SPP2: variants seen among roughly 807,000 people sequenced by gnomAD.
SPP2 encodes the protein secreted phosphoprotein 24.
A neutral mutation model predicts 28.8 loss-of-function variants in SPP2; 34 were observed. The observed-to-expected ratio is 1.18, with a 90% CI of 0.90 to 1.57. The LOEUF is 1.57. SPP2 is among the 40% of genes most tolerant of loss of function. SPP2 has a pLI of 0.00. For missense variants in SPP2, 269 were observed against 263.9 expected, an observed-to-expected ratio of 1.02 and a Z score of -0.13; for synonymous variants, 96 against 89.4, an observed-to-expected ratio of 1.07 and a Z score of -0.42.
intron 7 of SPP2, among the ~76,000 whole-genome samples, chr2:234,073,876 T>C (rs1690844681): frequency 6.6e-6 from 1 of 152,176 alleles, no homozygotes; most frequent in Non-Finnish European, 1.5e-5. Context: ...AAAAGAATCA[T>C]TCTCATGATT....
chr2:234,067,108 G>C, intron 5 of SPP2, 116 bp from the exon 6 acceptor site: 1 of 1,004,990 alleles, frequency 1.0e-6, no homozygotes, highest in Non-Finnish European at 1.6e-6. Flanking sequence ...AAACTCAATG[G>C]TGATCTCTCA....
Position 234,067,265 on chromosome 2 carries a change from C to T in SPP2, c.541C>T (p.Arg181Trp), listed in dbSNP as rs375462993. Residue 181 changes from arginine to tryptophan, a missense_variant, in exon 6 of 8, where the codon CGG (arginine) becomes TGG (tryptophan). Coordinates refer to ENST00000168148, the MANE Select transcript of SPP2 (RefSeq NM_006944.3). ...GTCCATAAGTGAACAATTTTATGAT[C>T]GGTCACTTGGTAAGTGATTTCTTTC... is the stretch of plus-strand genomic sequence containing the variant. ...DESISEQFYD[R>W]SLGIMRRVLP... 9.4e-5 allele frequency: 152 copies of T among 1,613,868 alleles called. 1 individual carries two copies. Among genetic ancestry groups the T allele is most frequent in the Middle Eastern group, 1.6e-4 (1 of 6,082 alleles).
At chr2:234,051,732 G>A (rs1196215534) in intron 2 of SPP2, among the ~76,000 whole-genome samples, 1 of 152,140 alleles carries the variant, frequency 6.6e-6, no homozygotes, top group Non-Finnish European at 1.5e-5. Context: ...TTGGAGGTAG[G>A]GATGAACATA....
rs201489523 is a variant in SPP2, at chr2:234,069,978, C to G, written c.601C>G (p.Arg201Gly). ...PPGNRRYPNH[R>G]HRARINTDFE ...TGGAAACAGAAGGTACCCAAACCAC[C>G]GGCACAGAGCAAGAATAAATACTGA... The change falls in exon 7 of 8, where the codon CGG becomes GGG. Residue 201 changes from arginine (R) to glycine (G), a missense_variant. Coordinates refer to ENST00000168148, the MANE Select transcript of SPP2 (RefSeq NM_006944.3). 1 of 1,613,316 alleles carries G rather than the reference C, an allele frequency of 6.2e-7. No homozygotes were observed.
At chr2:234,060,769 A>T (rs925643948) in intron 4 of SPP2, among the ~76,000 whole-genome samples, 6 of 151,756 alleles carry the variant, frequency 4.0e-5, no homozygotes, top group Non-Finnish European at 8.8e-5. Flanking sequence ...ACATGCACAC[A>T]CGCACACATA....
chr2:234,060,147 C>G lies in SPP2; in HGVS notation c.334-222C>G, dbSNP rs1347171879. On this transcript the variant is annotated intron_variant, in intron 3 of 7. Transcript: ENST00000168148. ...CTCATGGGGGAAATGTTTGCGTTTC[C>G]TAGAGACTTGTAATGGGTCAAACAG... is the stretch of plus-strand genomic sequence containing the variant. 2.6e-5 allele frequency among the ~76,000 whole-genome samples: 4 copies of G among 152,162 alleles called. No individual in the cohort carries two copies. The East Asian group carries it at 5.8e-4, about 22-fold the overall frequency.
At position 234,058,848 on chromosome 2, in the gene SPP2, G is replaced by C; in HGVS notation, c.223G>C (p.Asp75His). The change falls in exon 3 of 8, where the codon GAT becomes CAT. Residue 75 changes from aspartate to histidine, a missense_variant. Coordinates refer to ENST00000168148, the MANE Select transcript of SPP2 (RefSeq NM_006944.3). ...TATTTTTGTGAAGGTTGAGGTCCTA[G>C]ATGAGAACAACTTGGTCATGAATTT... is the stretch of plus-strand genomic sequence containing the variant. ...RSSLKRVEVLDENNLVMNLEF... is the reference protein window; with the variant it reads ...RSSLKRVEVLHENNLVMNLEF... 6.2e-7 allele frequency: 1 copy of C among 1,613,960 alleles called. No individual in the cohort carries two copies. Among genetic ancestry groups the C allele is most frequent in the Non-Finnish European group, 8.5e-7 (1 of 1,179,926 alleles).
At position 234,058,967 on chromosome 2, in the gene SPP2, G is replaced by A. The variant is rs758031819; in HGVS notation, c.333+9G>A. On this transcript the variant is annotated intron_variant, in intron 3 of 7. Coordinates refer to ENST00000168148, the MANE Select transcript of SPP2 (RefSeq NM_006944.3). ...AGAGGGACTACTATGTGGTAAGTGG[G>A]AGGAGACCCATCCCAGAAATGAACA... is the stretch of plus-strand genomic sequence containing the variant. The A allele has an allele frequency of 8.1e-6, 13 of 1,607,182 alleles. No individual in the cohort carries two copies. In the South Asian group the frequency reaches 1.3e-4, roughly 17 times the overall value.
chr2:234,057,484 G>T (rs192898895), intron 2 of SPP2, among the ~76,000 whole-genome samples: 1 of 152,290 alleles, frequency 6.6e-6, no homozygotes, highest in African/African-American at 2.4e-5. Flanking sequence ...TAAAACAGCT[G>T]CTTCCTTCCC....
intron 2 of SPP2, among the ~76,000 whole-genome samples, chr2:234,054,278 G>A (rs1227946347): frequency 6.6e-6 from 1 of 152,216 alleles, no homozygotes; most frequent in Admixed American, 6.5e-5. Context: ...AGAGAGGTGG[G>A]CATGAGTGGG....
chr2:234,071,496 C>A (rs1260471023), intron 7 of SPP2, among the ~76,000 whole-genome samples: 1 of 152,114 alleles, frequency 6.6e-6, no homozygotes, highest in Admixed American at 6.5e-5. Context: ...GGGATTGGAG[C>A]AAATGTAGCT....
At chr2:234,074,128 ATGTC>A (rs912914998) in intron 7 of SPP2, among the ~76,000 whole-genome samples, 2 of 152,106 alleles carry the variant, frequency 1.3e-5, no homozygotes, top group African/African-American at 4.8e-5. Flanking sequence ...TGAACTCTTG[ATGTC>A]TGTCTGTTTC....
intron 2 of SPP2, among the ~76,000 whole-genome samples, chr2:234,053,494 A>C (rs1025543569): frequency 1.3e-5 from 2 of 151,542 alleles, no homozygotes; most frequent in African/African-American, 4.9e-5. Flanking sequence ...AGCTTTAAAT[A>C]TTTCTGATGT....
chr2:234,059,119 G>C (rs1025514410), intron 3 of SPP2, among the ~76,000 whole-genome samples, 161 bp downstream of exon 3: 2 of 152,204 alleles, frequency 1.3e-5, no homozygotes, highest in Admixed American at 1.3e-4. Flanking sequence ...GTGTTACTCC[G>C]TGGCTGAACA....
chr2:234,066,593 T>A lies in SPP2; in HGVS notation c.499+6T>A, dbSNP rs1693826927. 1 of 1,606,152 alleles carries A rather than the reference T, an allele frequency of 6.2e-7. No homozygotes were observed. Among genetic ancestry groups the A allele is most frequent in the South Asian group, 1.1e-5 (1 of 89,904 alleles). On this transcript the variant is annotated splice_donor_region_variant and intron_variant, in intron 5 of 7. Transcript: ENST00000168148. ...GAGAAACAATTATCTATTTGGTAAGTTAAGATCTGTTCTTTTTAACTTTTT... is the reference window on the plus strand; with the variant it reads ...GAGAAACAATTATCTATTTGGTAAGATAAGATCTGTTCTTTTTAACTTTTT...
chr2:234,053,392 G>T (rs1188538136), intron 2 of SPP2, among the ~76,000 whole-genome samples: 1 of 152,158 alleles, frequency 6.6e-6, no homozygotes, highest in African/African-American at 2.4e-5. Context: ...AATGGTTGTA[G>T]GGAGAAGGGT....
rs756917930 is a variant in SPP2, at chr2:234,060,371, C to A, written c.336C>A (p.Ser112=). The A allele has an allele frequency of 2.5e-6, 4 of 1,613,114 alleles. No homozygotes were observed. In the South Asian group the frequency reaches 4.4e-5, roughly 18 times the overall value. The change falls in exon 4 of 8, where the codon TCC becomes TCA. Residue 112 remains serine, a splice_region_variant and synonymous_variant. Coordinates refer to ENST00000168148, the MANE Select transcript of SPP2 (RefSeq NM_006944.3). ...ACTCACCCCTTTGTCTTTTCCAGTC[C>A]ACAGCTGTTTGCAGAAGCACCGTGA... The part of the protein sequence containing the change: ...TCAFQRDYYV[S]TAVCRSTVKV...
chr2:234,051,378 G>A (rs774572212), intron 2 of SPP2, among the ~76,000 whole-genome samples: 1 of 152,102 alleles, frequency 6.6e-6, no homozygotes, highest in South Asian at 2.1e-4. Context: ...AAGTCCTCGC[G>A]ATTCTTTCTG....
chr2:234,055,364 A>G (rs183649553), intron 2 of SPP2, among the ~76,000 whole-genome samples: 1 of 152,326 alleles, frequency 6.6e-6, no homozygotes, highest in East Asian at 1.9e-4. Flanking sequence ...CCTTTAACTG[A>G]TTCGATGAAG....
Sources: gnomAD v4.1 joint callset for allele counts (sites outside exome capture counted in the v4.1 genomes callset) on GRCh38, gnomAD v4.1.1 for gene constraint, MANE v1.5 for transcripts, NCBI Gene and HGNC (gene_info 2026-07-23, HGNC 2026-07-21) for gene names.